Variants in CPSF3 observed in about 807,000 individuals in gnomAD.
CPSF3 encodes cleavage and polyadenylation specificity factor subunit 3.
In CPSF3, 57 loss-of-function variants were observed where a neutral mutation model predicts 84.1. The observed-to-expected ratio is 0.68, with a 90% CI of 0.55 to 0.85. The LOEUF (loss-of-function observed/expected upper bound fraction) is 0.85, where lower values mean the gene tolerates loss of function less well. Ranked by LOEUF, CPSF3 falls within the 40% of genes least tolerant of loss-of-function variation. The pLI, the probability that CPSF3 is intolerant of heterozygous loss-of-function variation, is 0.00. For synonymous variants in CPSF3, 275 were observed against 278.1 expected, an observed-to-expected ratio of 0.99 and a Z score of 0.11; for missense variants, 522 against 838.8, an observed-to-expected ratio of 0.62 and a Z score of 4.66.
rs1680206545 is a variant in CPSF3 at position 9,423,757 on chromosome 2, G to T, written c.-17G>T. On this transcript the variant is annotated 5_prime_UTR_variant, in exon 1 of 18. Transcript: ENST00000238112. The stretch of plus-strand genomic sequence containing the variant: ...GCGACCTGTTCCTCACCCCCGCTTC[G>T]CCCTCACACTTTCGGGATGTCTGCG... The T allele has an allele frequency of 1.9e-6, 3 of 1,612,728 alleles. No individual in the cohort carries two copies. Among genetic ancestry groups the T allele is most frequent in the Non-Finnish European group, 2.5e-6 (3 of 1,179,482 alleles).
intron 11 of CPSF3, 74 bp from the exon 12 acceptor site, chr2:9,452,839 A>G (rs1345502131): frequency 1.1e-6 from 1 of 902,822 alleles, no homozygotes; most frequent in Admixed American, 2.6e-5. Context: ...CTTCATTATG[A>G]TGAACTGCAT....
intron 16 of CPSF3, among the ~76,000 whole-genome samples, chr2:9,470,824 T>C (rs987473940): frequency 2.0e-5 from 3 of 152,274 alleles, no homozygotes; most frequent in Non-Finnish European, 4.4e-5. Context: ...CCTAGCATGA[T>C]GCCTGCTGAA....
At chr2:9,435,814 C>A (rs540275165) in intron 6 of CPSF3, among the ~76,000 whole-genome samples, 2 of 152,212 alleles carry the variant, frequency 1.3e-5, no homozygotes, top group East Asian at 3.9e-4. Context: ...CTCACTGCAA[C>A]CTCCTCCTCC....
intron 1 of CPSF3, among the ~76,000 whole-genome samples, chr2:9,428,287 G>A (rs375119765): frequency 2.6e-5 from 4 of 152,050 alleles, no homozygotes; most frequent in East Asian, 1.9e-4. Context: ...GTGAGCCACC[G>A]CACCCGGCCA....
intron 11 of CPSF3, 99 bp downstream of exon 11, chr2:9,448,449 A>G: frequency 2.0e-6 from 2 of 1,014,318 alleles, no homozygotes; most frequent in East Asian, 2.6e-5. Context: ...GAATATGCTT[A>G]TTTCTGTCTA....
At chr2:9,451,959 G>A (rs867627329) in intron 11 of CPSF3, among the ~76,000 whole-genome samples, 1 of 152,016 alleles carries the variant, frequency 6.6e-6, no homozygotes, top group Non-Finnish European at 1.5e-5. Context: ...CTCATGATCC[G>A]CCTGCCTTGG....
intron 11 of CPSF3, among the ~76,000 whole-genome samples, chr2:9,452,633 T>C (rs139241277): frequency 6.6e-6 from 1 of 152,308 alleles, no homozygotes; most frequent in Non-Finnish European, 1.5e-5. Flanking sequence ...TAGTGAGAGC[T>C]TTCTTAAGCC....
At chr2:9,450,680 C>T (rs1421759402) in intron 11 of CPSF3, among the ~76,000 whole-genome samples, 2 of 151,954 alleles carry the variant, frequency 1.3e-5, no homozygotes, top group African/African-American at 2.4e-5. Flanking sequence ...CCCAGCCACT[C>T]GGGAGGCTGA....
At chr2:9,464,490 CTA>C (rs1330057243) in intron 15 of CPSF3, among the ~76,000 whole-genome samples, 1 of 151,960 alleles carries the variant, frequency 6.6e-6, no homozygotes, top group East Asian at 1.9e-4. Flanking sequence ...ATTAATGAAA[CTA>C]ATGATTATAA....
intron 14 of CPSF3, among the ~76,000 whole-genome samples, chr2:9,457,779 G>A (rs1681582070): frequency 6.6e-6 from 1 of 151,570 alleles, no homozygotes; most frequent in African/African-American, 2.4e-5. Flanking sequence ...TTGAGACAGA[G>A]TCTTACTCTG....
At position 9,441,811 on chromosome 2, in the gene CPSF3, C is replaced by T. The variant is rs754268557; in HGVS notation, c.937-7C>T. On this transcript the variant is annotated splice_polypyrimidine_tract_variant and splice_region_variant and intron_variant, in intron 8 of 17. Coordinates refer to ENST00000238112, the MANE Select transcript of CPSF3 (RefSeq NM_016207.4). Reference sequence around the variant, plus strand: ...ACATACTTTTCCCATTCTGTTTTCTCTCTTAGAGCATGGATCATTTTGATG... The same window carrying T: ...ACATACTTTTCCCATTCTGTTTTCTTTCTTAGAGCATGGATCATTTTGATG... 2 of 1,613,724 alleles carry T rather than the reference C, an allele frequency of 1.2e-6. No individual in the cohort carries two copies. The highest frequency in any genetic ancestry group is 2.7e-5 in the African/African-American group (2 of 74,924).
At chr2:9,439,276 T>C (rs535121543) in intron 7 of CPSF3, among the ~76,000 whole-genome samples, 1 of 152,052 alleles carries the variant, frequency 6.6e-6, no homozygotes, top group Admixed American at 6.5e-5. Flanking sequence ...AATTAGAAAT[T>C]ATAGATGTAA....
At chr2:9,457,874 T>G (rs1236769511) in intron 14 of CPSF3, among the ~76,000 whole-genome samples, 1 of 152,030 alleles carries the variant, frequency 6.6e-6, no homozygotes, top group African/African-American at 2.4e-5. Flanking sequence ...TGCCTCAGCC[T>G]CCTGACTAGC....
At chr2:9,459,321 A>G (rs941413933) in intron 14 of CPSF3, among the ~76,000 whole-genome samples, 1 of 152,208 alleles carries the variant, frequency 6.6e-6, no homozygotes, top group African/African-American at 2.4e-5. Context: ...GTCGAAAGGA[A>G]GTGCTCAGTA....
chr2:9,463,403 C>T (rs763939261), intron 15 of CPSF3, among the ~76,000 whole-genome samples: 3 of 152,170 alleles, frequency 2.0e-5, no homozygotes, highest in African/African-American at 7.2e-5. Context: ...ATGGGGATAT[C>T]GCAAAGTGCT....
intron 7 of CPSF3, among the ~76,000 whole-genome samples, chr2:9,436,718 C>A (rs1680795814): frequency 6.6e-6 from 1 of 151,610 alleles, no homozygotes; most frequent in African/African-American, 2.4e-5. Flanking sequence ...TTGTAGTGAG[C>A]CGAGATTGCG....
chr2:9,466,257 C>CACGT (rs111599553), intron 15 of CPSF3, among the ~76,000 whole-genome samples: 1,261 of 99,836 alleles, frequency 0.013, 16 homozygotes, highest in African/African-American at 0.034. Flanking sequence ...CGCGCACACA[C>CACGT]GCACACAAAG....
chr2:9,455,643 C>G lies in CPSF3; in HGVS notation c.1505-16C>G. On this transcript the variant is annotated splice_polypyrimidine_tract_variant and intron_variant, in intron 12 of 17. Transcript: ENST00000238112. The stretch of plus-strand genomic sequence containing the variant: ...GGACTAGTATTTCTTCAAGTCTCTT[C>G]TCATTTTCTCTTCAGATTATACTGA... 1 of 1,587,298 alleles carries G rather than the reference C, an allele frequency of 6.3e-7. No individual in the cohort carries two copies. Among genetic ancestry groups the G allele is most frequent in the Non-Finnish European group, 8.6e-7 (1 of 1,158,060 alleles).
intron 7 of CPSF3, 148 bp downstream of exon 7, chr2:9,436,509 C>T (rs1680787553): frequency 3.8e-6 from 3 of 785,540 alleles, no homozygotes; most frequent in South Asian, 4.5e-5. Flanking sequence ...CGCGGTGGCT[C>T]ACGCCTGTAA....
Sources: allele counts gnomAD v4.1 joint callset (sites outside exome capture counted in the v4.1 genomes callset), GRCh38; gene constraint gnomAD v4.1.1; transcripts MANE v1.5; gene names NCBI Gene and HGNC (gene_info 2026-07-23, HGNC 2026-07-21).